The following GALNT13 variants were observed in gnomAD, a reference collection of about 807,000 sequenced individuals.
GALNT13 encodes the protein polypeptide N-acetylgalactosaminyltransferase 13.
Under a neutral mutation model 64.2 loss-of-function variants are expected in GALNT13, and 28 were observed. The observed-to-expected ratio is 0.44, with a 90% CI of 0.32 to 0.60. The LOEUF is 0.60. Among genes scored for constraint, GALNT13 ranks in the 20% least tolerant of loss-of-function variants. GALNT13 has a pLI of 0.05. For synonymous variants in GALNT13, 214 were observed against 224.6 expected, an observed-to-expected ratio of 0.95 and a Z score of 0.42; for missense variants, 577 against 669.8, an observed-to-expected ratio of 0.86 and a Z score of 1.53.
chr2:153,388,029 G>C, the GALNT13 span, among the ~76,000 whole-genome samples: 5 of 148,906 alleles, frequency 3.4e-5, no homozygotes, highest in African/African-American at 1.2e-4. Flanking sequence ...GAAGGAGGGG[G>C]AGAAGGAAGA....
intron 3 of GALNT13, among the ~76,000 whole-genome samples, chr2:154,047,361 G>A (rs1558929198): frequency 6.6e-6 from 1 of 152,076 alleles, no homozygotes; most frequent in Non-Finnish European, 1.5e-5. Flanking sequence ...TAAGTATGAT[G>A]CTTTTTAAAA....
the GALNT13 span, among the ~76,000 whole-genome samples, chr2:153,662,084 G>A: frequency 8.5e-5 from 13 of 152,068 alleles, no homozygotes; most frequent in African/African-American, 2.4e-4. Flanking sequence ...GAATGTTGAC[G>A]TCCGACATCT....
intron 4 of GALNT13, among the ~76,000 whole-genome samples, chr2:154,231,178 A>C (rs532232028): frequency 1.3e-4 from 20 of 152,156 alleles, no homozygotes; most frequent in African/African-American, 4.3e-4. Flanking sequence ...TCCTGGAATA[A>C]AGCAAATATT....
intron 3 of GALNT13, among the ~76,000 whole-genome samples, chr2:154,126,596 T>C (rs887875146): frequency 6.0e-5 from 9 of 149,598 alleles, no homozygotes; most frequent in African/African-American, 1.5e-4. Context: ...GATCGCGCCA[T>C]TGCACTCCAG....
intron 3 of GALNT13, among the ~76,000 whole-genome samples, chr2:154,079,251 A>G (rs994254011): frequency 7.9e-5 from 12 of 151,642 alleles, no homozygotes; most frequent in Non-Finnish European, 1.5e-4. Flanking sequence ...GATAAAATTT[A>G]CAAATGGTAT....
At chr2:154,007,807 A>T (rs1696357413) in intron 3 of GALNT13, among the ~76,000 whole-genome samples, 1 of 151,952 alleles carries the variant, frequency 6.6e-6, no homozygotes, top group Non-Finnish European at 1.5e-5. Context: ...ATCAACTTTA[A>T]GACAGCAATA....
chr2:153,085,030 G>A, the GALNT13 span, among the ~76,000 whole-genome samples: 4 of 152,194 alleles, frequency 2.6e-5, no homozygotes, highest in African/African-American at 9.7e-5. Context: ...TCCAGGCTGA[G>A]GTGGTCTCAG....
intron 7 of GALNT13, among the ~76,000 whole-genome samples, chr2:154,251,554 G>A (rs1403424062): frequency 2.6e-5 from 4 of 151,874 alleles, no homozygotes; most frequent in Admixed American, 1.3e-4. Context: ...GTGTTTCATC[G>A]ACTCTGCAGG....
the GALNT13 span, among the ~76,000 whole-genome samples, chr2:153,833,962 ATCAC>A: frequency 2.7e-4 from 41 of 151,638 alleles, no homozygotes; most frequent in East Asian, 7.9e-3. Context: ...CTTCAGAATT[ATCAC>A]TCCGAAAAGA....
chr2:154,003,677 G>C (rs1226975055), intron 3 of GALNT13, among the ~76,000 whole-genome samples: 1 of 152,174 alleles, frequency 6.6e-6, no homozygotes, highest in Non-Finnish European at 1.5e-5. Context: ...CAATGTTGGA[G>C]ATTGGGCCTG....
At chr2:153,270,382 G>T in the GALNT13 span, among the ~76,000 whole-genome samples, 3 of 152,144 alleles carry the variant, frequency 2.0e-5, no homozygotes, top group Non-Finnish European at 2.9e-5. Flanking sequence ...TCAATTATTT[G>T]TCTTCGATGT....
the GALNT13 span, among the ~76,000 whole-genome samples, chr2:153,817,979 A>G: frequency 6.6e-6 from 1 of 152,088 alleles, no homozygotes; most frequent in Admixed American, 6.5e-5. Flanking sequence ...TTGAGTAAAT[A>G]CCACCTCTTC....
intron 3 of GALNT13, among the ~76,000 whole-genome samples, chr2:154,038,503 T>C (rs1241262215): frequency 4.6e-5 from 7 of 152,028 alleles, no homozygotes; most frequent in Admixed American, 4.6e-4. Context: ...GTGCCAAGAA[T>C]GTGCGCTGGG....
the GALNT13 span, among the ~76,000 whole-genome samples, chr2:153,166,621 A>ATATGTG: frequency 1.5e-4 from 19 of 122,662 alleles, no homozygotes; most frequent in Non-Finnish European, 2.4e-4. Context: ...TGCCTACTGC[A>ATATGTG]TGTGTGTGTG....
the GALNT13 span, among the ~76,000 whole-genome samples, chr2:153,301,783 G>C: frequency 1.2e-4 from 18 of 151,440 alleles, no homozygotes; most frequent in African/African-American, 4.1e-4. Context: ...TCTGTTTCTG[G>C]CTTATTTCAC....
intron 9 of GALNT13, among the ~76,000 whole-genome samples, chr2:154,334,540 T>C (rs565223662): frequency 6.6e-6 from 1 of 152,068 alleles, no homozygotes; most frequent in East Asian, 1.9e-4. Context: ...ATCAAAACAG[T>C]TTTGTGGGGT....
chr2:154,157,645 C>G (rs1684497186), intron 4 of GALNT13, among the ~76,000 whole-genome samples: 1 of 152,084 alleles, frequency 6.6e-6, no homozygotes, highest in Non-Finnish European at 1.5e-5. Flanking sequence ...TTTCTTATTC[C>G]AAAAAGTTCT....
chr2:153,342,567 A>ACAT, the GALNT13 span, among the ~76,000 whole-genome samples: 2 of 152,238 alleles, frequency 1.3e-5, no homozygotes, highest in African/African-American at 2.4e-5. Flanking sequence ...TTTATCAAAC[A>ACAT]CATTACAATT....
At chr2:153,668,927 T>C in the GALNT13 span, among the ~76,000 whole-genome samples, 2 of 152,108 alleles carry the variant, frequency 1.3e-5, no homozygotes, top group Non-Finnish European at 2.9e-5. Flanking sequence ...TACAAGACTT[T>C]AGTATAAGGG....
Sources: allele counts gnomAD v4.1 joint callset (sites outside exome capture counted in the v4.1 genomes callset), GRCh38; gene constraint gnomAD v4.1.1; transcripts MANE v1.5; gene names NCBI Gene and HGNC (gene_info 2026-07-23, HGNC 2026-07-21).